Variants in RAP1GAP2 observed in about 807,000 individuals in gnomAD.
The protein encoded by RAP1GAP2 is RAP1 GTPase activating protein 2, also known as rap1 GTPase-activating protein 2.
RAP1GAP2 carries 27 observed loss-of-function variants against 95.0 expected under a neutral mutation model. That is an observed-to-expected ratio of 0.28 (90% CI 0.21 to 0.39). The LOEUF (loss-of-function observed/expected upper bound fraction) is 0.39, where lower values mean the gene tolerates loss of function less well. Ranked by LOEUF, RAP1GAP2 falls within the 10% of genes least tolerant of loss-of-function variation. RAP1GAP2 has a pLI of 1.00. For missense variants in RAP1GAP2, 771 were observed against 970.0 expected (o/e 0.79, Z 2.72); for synonymous variants, 373 against 380.9 (o/e 0.98, Z 0.24).
chr17:2,756,346 C>T (rs1299213028), intron 1 of RAP1GAP2, among the ~76,000 whole-genome samples: 1 of 152,240 alleles, frequency 6.6e-6, no homozygotes, highest in Non-Finnish European at 1.5e-5. Flanking sequence ...GGCAGTCGCC[C>T]TTTCCCCCTC....
intron 2 of RAP1GAP2, among the ~76,000 whole-genome samples, chr17:2,856,656 A>G (rs1367902284): frequency 2.6e-5 from 4 of 152,166 alleles, no homozygotes; most frequent in Non-Finnish European, 5.9e-5. Context: ...AGGTGCAGTG[A>G]GGCCCAGGGA....
intron 8 of RAP1GAP2, 51 bp from the exon 9 acceptor site, chr17:2,980,236 C>T (rs2045307134): frequency 3.8e-6 from 6 of 1,582,866 alleles, no homozygotes; most frequent in Non-Finnish European, 5.2e-6. Flanking sequence ...AGTCCCCGCG[C>T]CCTCACTGAC....
intron 2 of RAP1GAP2, among the ~76,000 whole-genome samples, chr17:2,861,395 T>C (rs1293651654): frequency 6.6e-6 from 1 of 151,880 alleles, no homozygotes; most frequent in Non-Finnish European, 1.5e-5. Context: ...TCAGTAAATA[T>C]TTGCTGAGTG....
chr17:2,932,127 A>C (rs1047316279), intron 3 of RAP1GAP2, among the ~76,000 whole-genome samples: 2 of 152,208 alleles, frequency 1.3e-5, no homozygotes, highest in Non-Finnish European at 2.9e-5. Context: ...AAGAGCCCAG[A>C]TAATTGAAAT....
intron 16 of RAP1GAP2, among the ~76,000 whole-genome samples, chr17:3,006,987 G>A (rs1393877257): frequency 6.6e-6 from 1 of 152,196 alleles, no homozygotes; most frequent in East Asian, 1.9e-4. Flanking sequence ...GCTTCCTGGA[G>A]GAGGTGGCTC....
intron 3 of RAP1GAP2, among the ~76,000 whole-genome samples, chr17:2,912,134 A>G (rs952434050): frequency 6.6e-6 from 1 of 152,174 alleles, no homozygotes; most frequent in Admixed American, 6.5e-5. Flanking sequence ...CACCGCCTCT[A>G]TGGTAGGTAA....
chr17:2,927,623 A>G (rs2043012928), intron 3 of RAP1GAP2, among the ~76,000 whole-genome samples: 1 of 152,138 alleles, frequency 6.6e-6, no homozygotes. Context: ...TTGCCGTGTA[A>G]CCTCACACAT....
intron 1 of RAP1GAP2, among the ~76,000 whole-genome samples, chr17:2,758,812 G>A (rs2071195290): frequency 6.6e-6 from 1 of 152,100 alleles, no homozygotes; most frequent in Admixed American, 6.6e-5. Context: ...AAAAACTCTA[G>A]GAGCTCTTCA....
chr17:3,027,065 C>T lies in RAP1GAP2; in HGVS notation c.2102C>T (p.Pro701Leu). The T allele has an allele frequency of 3.2e-6, 5 of 1,578,814 alleles. No individual in the cohort carries two copies. Among genetic ancestry groups the T allele is most frequent in the Non-Finnish European group, 4.3e-6 (5 of 1,162,654 alleles). Residue 701 changes from proline (P) to leucine (L), a missense_variant, in exon 22 of 25, where the codon CCC (proline) becomes CTC (leucine). Transcript: ENST00000254695. This position sits in a 1 kb window ranked among gnomAD's most constrained non-coding sequence, Gnocchi z 5.2. ...AATPIIMSRS[P>L]TDAKSRNSPR... is the part of the protein sequence containing the mutation. ...ACCCCGATCATCATGAGCCGGAGTC[C>T]CACAGGTCAGTGGCATCTGGTGGTG...
chr17:3,032,185 T>C (rs1308567175), intron 23 of RAP1GAP2, among the ~76,000 whole-genome samples: 2 of 149,088 alleles, frequency 1.3e-5, no homozygotes, highest in Non-Finnish European at 3.0e-5. Flanking sequence ...CAGGTCCAGA[T>C]GTGAGGTGGG....
Position 2,965,257 on chromosome 17 carries a change from G to C in RAP1GAP2, c.493-283G>C. ...ATCCTGGGCAGTGACTTAACCCCCC[G>C]ACCATTGGTTTTCCCATCTGTGAAA... On this transcript the variant is annotated intron_variant, in intron 7 of 24. Transcript: ENST00000254695. This position sits in a 1 kb window ranked among gnomAD's most constrained non-coding sequence, Gnocchi z 4.7. 2.2e-6 allele frequency: 1 copy of C among 448,822 alleles called. No homozygotes were observed. The allele number at this position is 448,822 out of a possible 1,614,324, so 27.8% of individuals were successfully genotyped here.
At chr17:2,787,753 G>A (rs2068822882) in intron 1 of RAP1GAP2, among the ~76,000 whole-genome samples, 1 of 152,148 alleles carries the variant, frequency 6.6e-6, no homozygotes, top group Non-Finnish European at 1.5e-5. Context: ...ATTTTCAGTA[G>A]AGATGGGGTT....
At chr17:2,817,254 A>T (rs1420512111) in intron 2 of RAP1GAP2, among the ~76,000 whole-genome samples, 1 of 120,348 alleles carries the variant, frequency 8.3e-6, no homozygotes, top group Admixed American at 8.0e-5. Context: ...TCGGCCTCCT[A>T]AGGTGCTGGG....
chr17:2,890,541 A>AGTT (rs2073673285), intron 2 of RAP1GAP2, among the ~76,000 whole-genome samples: 1 of 152,040 alleles, frequency 6.6e-6, no homozygotes, highest in Admixed American at 6.6e-5. Flanking sequence ...ATGGTTTAAC[A>AGTT]CGCCTCTGTG....
intron 2 of RAP1GAP2, among the ~76,000 whole-genome samples, chr17:2,848,086 C>T (rs554935480): frequency 3.3e-4 from 50 of 152,278 alleles, no homozygotes; most frequent in African/African-American, 1.0e-3. Context: ...AACAGGAAGT[C>T]GGCAGGGTTC....
intron 2 of RAP1GAP2, among the ~76,000 whole-genome samples, chr17:2,818,780 C>T (rs1370856703): frequency 1.3e-5 from 2 of 152,188 alleles, no homozygotes; most frequent in African/African-American, 4.8e-5. Flanking sequence ...CAGATCTTGG[C>T]TCTGACACGC....
At chr17:2,907,848 C>T (rs2042248774) in intron 3 of RAP1GAP2, among the ~76,000 whole-genome samples, 1 of 152,140 alleles carries the variant, frequency 6.6e-6, no homozygotes, top group Non-Finnish European at 1.5e-5. Flanking sequence ...TGCTCTGTCG[C>T]CGAGCCAGAG....
At chr17:2,778,404 C>G (rs1279312062) in intron 1 of RAP1GAP2, among the ~76,000 whole-genome samples, 2 of 151,984 alleles carry the variant, frequency 1.3e-5, no homozygotes, top group South Asian at 2.1e-4. Flanking sequence ...TGGGTAGGGT[C>G]GGGGCTGGTC....
intron 1 of RAP1GAP2, among the ~76,000 whole-genome samples, chr17:2,781,710 G>T (rs1301351535): frequency 5.8e-4 from 81 of 140,502 alleles, no homozygotes; most frequent in African/African-American, 1.9e-3. Context: ...GCACGTCTCT[G>T]TGTGAGCACG....
Sources: gnomAD v4.1 joint callset for allele counts (sites outside exome capture counted in the v4.1 genomes callset) on GRCh38, gnomAD v4.1.1 for gene constraint, Gnocchi (gnomAD v3.1) non-coding constraint, MANE v1.5 for transcripts, NCBI Gene and HGNC (gene_info 2026-07-23, HGNC 2026-07-21) for gene names.